The following ACTN4 variants were observed in gnomAD, a reference collection of about 807,000 sequenced individuals.
ACTN4 encodes alpha-actinin-4.
ACTN4 carries 18 observed loss-of-function variants against 114.2 expected under a neutral mutation model. The observed-to-expected ratio is 0.16, with a 90% CI of 0.11 to 0.23. ACTN4 has a LOEUF of 0.23. ACTN4 is among the 10% of genes least tolerant of loss of function. The probability of loss-of-function intolerance (pLI) is 1.00; values close to 1 mark genes in which losing one functional copy is unlikely to be tolerated. For missense variants in ACTN4, 722 were observed against 1,262.9 expected (o/e 0.57, Z 6.49); for synonymous variants, 515 against 506.3 (o/e 1.02, Z -0.23).
chr19:38,708,002 C>A, intron 5 of ACTN4, 115 bp from the exon 6 acceptor site: 1 of 1,096,724 alleles, frequency 9.1e-7, no homozygotes, highest in Non-Finnish European at 1.4e-6. Flanking sequence ...CAGTGCCTGG[C>A]ACAGGCCAGA....
intron 1 of ACTN4, among the ~76,000 whole-genome samples, chr19:38,679,372 A>G (rs1489656686): frequency 6.6e-6 from 1 of 151,904 alleles, no homozygotes; most frequent in Admixed American, 6.6e-5. Context: ...GCTGGTCCCC[A>G]CCTCACTCCC....
At chr19:38,657,921 T>C (rs1031727862) in intron 1 of ACTN4, among the ~76,000 whole-genome samples, 6 of 152,240 alleles carry the variant, frequency 3.9e-5, no homozygotes, top group African/African-American at 1.4e-4. Context: ...ATTACTATTC[T>C]ATGATCAATC....
chr19:38,677,594 A>G (rs1203599595), intron 1 of ACTN4, among the ~76,000 whole-genome samples: 1 of 52,028 alleles, frequency 1.9e-5, no homozygotes, highest in African/African-American at 5.4e-5. Flanking sequence ...TGCCAGGCTC[A>G]TTGCATCCCA....
intron 1 of ACTN4, among the ~76,000 whole-genome samples, chr19:38,680,192 C>G (rs1241635245): frequency 6.7e-6 from 1 of 148,766 alleles, no homozygotes; most frequent in African/African-American, 2.5e-5. Context: ...CCACACCTGT[C>G]CATAGCTGGA....
chr19:38,728,794 G>A (rs1280022059), intron 19 of ACTN4, among the ~76,000 whole-genome samples: 3 of 152,344 alleles, frequency 2.0e-5, no homozygotes, highest in South Asian at 4.1e-4. Flanking sequence ...GGCACTGGGG[G>A]CTTGGAGGCC....
intron 1 of ACTN4, among the ~76,000 whole-genome samples, chr19:38,679,953 C>G (rs1967503546): frequency 6.6e-6 from 1 of 152,084 alleles, no homozygotes; most frequent in Admixed American, 6.6e-5. Context: ...AATTCTCTCC[C>G]TCTGTCCACT....
chr19:38,688,443 C>T (rs1315078980), intron 1 of ACTN4, among the ~76,000 whole-genome samples: 2 of 145,194 alleles, frequency 1.4e-5, no homozygotes, highest in Middle Eastern at 3.7e-3. Flanking sequence ...TGGTGGTGGG[C>T]GCCTGTTGTC....
At chr19:38,719,062 C>T (rs1177502556) in intron 11 of ACTN4, among the ~76,000 whole-genome samples, 1 of 152,254 alleles carries the variant, frequency 6.6e-6, no homozygotes, top group African/African-American at 2.4e-5. Context: ...CGCCACTGTG[C>T]TTTCTGTTCT....
chr19:38,709,549 A>G, intron 7 of ACTN4, 73 bp downstream of exon 7: 3 of 1,363,820 alleles, frequency 2.2e-6, no homozygotes, highest in Non-Finnish European at 3.1e-6. Flanking sequence ...GGCCTCGGGC[A>G]AGGGGCTGTG....
intron 9 of ACTN4, among the ~76,000 whole-genome samples, chr19:38,716,388 G>A (rs1260510114): frequency 4.6e-5 from 7 of 152,252 alleles, no homozygotes; most frequent in African/African-American, 1.7e-4. Context: ...TTGCCCTTGA[G>A]GCACTTAGTG....
At chr19:38,666,341 A>T (rs1225276351) in intron 1 of ACTN4, among the ~76,000 whole-genome samples, 2 of 152,202 alleles carry the variant, frequency 1.3e-5, no homozygotes, top group South Asian at 2.1e-4. Context: ...AAAATGTTAC[A>T]ACGGAGTGAC....
chr19:38,675,171 G>C (rs1049906984), intron 1 of ACTN4, among the ~76,000 whole-genome samples: 1 of 152,220 alleles, frequency 6.6e-6, no homozygotes, highest in East Asian at 1.9e-4. Context: ...TTGTAGACAA[G>C]CACAAACTAG....
Position 38,721,561 on chromosome 19 carries a change from C to G in ACTN4, c.1315C>G (p.Arg439Gly). Residue 439 changes from arginine (R) to glycine (G), a missense_variant, in exon 12 of 21, where the codon CGG becomes GGG. Coordinates refer to ENST00000252699, the MANE Select transcript of ACTN4 (RefSeq NM_004924.6). ...TDGKEAMLKH[R>G]DYETATLSDI... The stretch of plus-strand genomic sequence containing the variant: ...AGGGAAGGAAGCCATGCTGAAGCAC[C>G]GGGACTACGAGACGGCCACACTATC... 1.2e-6 allele frequency: 2 copies of G among 1,613,988 alleles called. No homozygotes were observed. Among genetic ancestry groups the G allele is most frequent in the African/African-American group, 1.3e-5 (1 of 75,036 alleles).
At chr19:38,687,018 C>T (rs1224117487) in intron 1 of ACTN4, among the ~76,000 whole-genome samples, 6 of 144,776 alleles carry the variant, frequency 4.1e-5, no homozygotes, top group Non-Finnish European at 9.0e-5. Flanking sequence ...GGCTGGAGTA[C>T]AGTGGCACAA....
At chr19:38,703,236 A>ATTT (rs34017553) in intron 3 of ACTN4, among the ~76,000 whole-genome samples, 14 of 132,616 alleles carry the variant, frequency 1.1e-4, no homozygotes, top group South Asian at 2.4e-4. Context: ...AGTTTCAGCA[A>ATTT]TTTTTTTTTT....
chr19:38,647,918 C>A lies in ACTN4; in HGVS notation c.162+11C>A. ...AAGCAGCAGCGCAAGGTGCGCGGCC[C>A]GCGGGCCGGACGGGCTGGAGGGGCT... On this transcript the variant is annotated intron_variant, in intron 1 of 20. Coordinates refer to ENST00000252699, the MANE Select transcript of ACTN4 (RefSeq NM_004924.6). The A allele has an allele frequency of 7.2e-7, 1 of 1,393,324 alleles. No individual in the cohort carries two copies. Among genetic ancestry groups the A allele is most frequent in the East Asian group, 3.1e-5 (1 of 31,912 alleles). The allele number at this position is 1,393,324 out of a possible 1,614,324, so 86.3% of individuals were successfully genotyped here. A position where few individuals can be genotyped will look rare whatever the true frequency, so the allele number is the denominator to read the frequency against.
intron 19 of ACTN4, chr19:38,728,340 G>A: frequency 2.7e-6 from 4 of 1,468,814 alleles, no homozygotes; most frequent in Non-Finnish European, 3.7e-6. Context: ...CATGGACTCC[G>A]ATGACTTCAG....
intron 5 of ACTN4, 103 bp from the exon 6 acceptor site, chr19:38,708,014 T>A (rs968517888): frequency 2.4e-5 from 28 of 1,184,296 alleles, no homozygotes; most frequent in Non-Finnish European, 3.5e-5. Flanking sequence ...CAGGCCAGAC[T>A]GCAGTGAATG....
At chr19:38,684,708 G>C (rs987618808) in intron 1 of ACTN4, among the ~76,000 whole-genome samples, 1 of 151,974 alleles carries the variant, frequency 6.6e-6, no homozygotes, top group Non-Finnish European at 1.5e-5. Context: ...GGTTCCTCCC[G>C]ATCCTATAAT....
Sources: gnomAD v4.1 joint callset for allele counts (sites outside exome capture counted in the v4.1 genomes callset) on GRCh38, gnomAD v4.1.1 for gene constraint, MANE v1.5 for transcripts, NCBI Gene and HGNC (gene_info 2026-07-23, HGNC 2026-07-21) for gene names.